Variants in PLD5 observed in about 807,000 individuals in gnomAD.
The protein encoded by PLD5 is phospholipase D family member 5, also known as inactive phospholipase D5.
Under a neutral mutation model 61.1 loss-of-function variants are expected in PLD5, and 36 were observed. The observed-to-expected ratio is 0.59, with a 90% CI of 0.45 to 0.78. The LOEUF (loss-of-function observed/expected upper bound fraction) is 0.78. Among genes scored for constraint, PLD5 ranks in the 30% least tolerant of loss-of-function variants. The probability of loss-of-function intolerance (pLI) is 0.00; values close to 1 mark genes in which losing one functional copy is unlikely to be tolerated. For synonymous variants in PLD5, 243 were observed against 242.8 expected (o/e 1.00, Z -0.01); for missense variants, 515 against 644.4 (o/e 0.80, Z 2.17).
chr1:242,099,394 C>T (rs1321706786), intron 9 of PLD5, among the ~76,000 whole-genome samples: 1 of 152,188 alleles, frequency 6.6e-6, no homozygotes, highest in African/African-American at 2.4e-5. Context: ...CCCAAAGTGG[C>T]TGGGATTACC....
intron 1 of PLD5, among the ~76,000 whole-genome samples, chr1:242,396,920 C>T (rs1025592240): frequency 1.3e-5 from 2 of 151,922 alleles, no homozygotes; most frequent in South Asian, 2.1e-4. Context: ...CCTTGTGATC[C>T]GCCCGCCTCA....
intron 3 of PLD5, among the ~76,000 whole-genome samples, chr1:242,286,348 T>C (rs1675023202): frequency 6.6e-6 from 1 of 152,076 alleles, no homozygotes; most frequent in South Asian, 2.1e-4. Flanking sequence ...TTATTTCAAG[T>C]GGAAAACACG....
At chr1:242,481,935 A>T (rs1216630335) in intron 1 of PLD5, among the ~76,000 whole-genome samples, 1 of 152,184 alleles carries the variant, frequency 6.6e-6, no homozygotes, top group Non-Finnish European at 1.5e-5. Flanking sequence ...CACTGCTGAT[A>T]CTCAGGAAAA....
At chr1:242,430,836 C>T (rs1444704771) in intron 1 of PLD5, among the ~76,000 whole-genome samples, 2 of 152,168 alleles carry the variant, frequency 1.3e-5, no homozygotes, top group African/African-American at 4.8e-5. Context: ...TCTATGCAAG[C>T]ATCAGGGCTA....
chr1:242,353,022 T>C (rs186172960), intron 1 of PLD5, among the ~76,000 whole-genome samples: 166 of 152,322 alleles, frequency 1.1e-3, no homozygotes, highest in African/African-American at 3.9e-3. Context: ...TTGTTTTAAA[T>C]AAGCTTTTTA....
chr1:242,337,339 T>C (rs538377291), intron 2 of PLD5, among the ~76,000 whole-genome samples: 23 of 66,894 alleles, frequency 3.4e-4, no homozygotes, highest in African/African-American at 9.6e-4. Context: ...GCTCAAAAAA[T>C]AGGCAAATCG....
intron 1 of PLD5, among the ~76,000 whole-genome samples, chr1:242,393,107 G>C (rs956251162): frequency 6.6e-6 from 1 of 151,158 alleles, no homozygotes; most frequent in East Asian, 2.0e-4. Context: ...AGGAGGCTGA[G>C]GCAGGAGAAT....
At chr1:242,482,912 T>C (rs1667831815) in intron 1 of PLD5, among the ~76,000 whole-genome samples, 2 of 152,174 alleles carry the variant, frequency 1.3e-5, no homozygotes, top group South Asian at 4.1e-4. Flanking sequence ...TTCAACATTC[T>C]TACAGAAAAT....
chr1:242,146,209 C>G (rs141121511), intron 5 of PLD5, among the ~76,000 whole-genome samples: 87 of 152,182 alleles, frequency 5.7e-4, no homozygotes, highest in Admixed American at 1.1e-3. Context: ...GTGTTGTTAC[C>G]CTTTGCTCAC....
chr1:242,316,231 A>C (rs1425276804), intron 2 of PLD5, among the ~76,000 whole-genome samples: 1 of 152,240 alleles, frequency 6.6e-6, no homozygotes, highest in Non-Finnish European at 1.5e-5. Flanking sequence ...TTAAGCACAA[A>C]GCACGCATAA....
rs532119726 is a variant in PLD5, at chr1:242,132,330, A to AGAGGAG, written c.736-7671_736-7666dup. Among the ~76,000 whole-genome samples the AGAGGAG allele has an allele frequency of 5.7e-4, 87 of 151,664 alleles. 4 individuals carry two copies. The South Asian group carries it at 0.018, about 31-fold the overall frequency. The stretch of plus-strand genomic sequence containing the variant: ...GGATGCTGTTGTCATCAGAATGGAG[A>AGAGGAG]GAGGAGAGACATTAGCACCGTTCTT... On this transcript the variant is annotated intron_variant, in intron 5 of 9. Coordinates refer to ENST00000536534, the MANE Select transcript of PLD5 (RefSeq NM_001372062.1).
chr1:242,254,362 A>AG (rs1164727955), intron 4 of PLD5, among the ~76,000 whole-genome samples: 4 of 151,346 alleles, frequency 2.6e-5, no homozygotes, highest in African/African-American at 4.8e-5. Flanking sequence ...AAAAAAAAAA[A>AG]AAAGAAAGAA....
intron 1 of PLD5, among the ~76,000 whole-genome samples, chr1:242,474,932 A>G (rs986889259): frequency 1.3e-5 from 2 of 152,156 alleles, no homozygotes; most frequent in African/African-American, 4.8e-5. Flanking sequence ...ATGCATTATA[A>G]ATATGTATTT....
upstream of PLD5, among the ~76,000 whole-genome samples, chr1:242,528,272 G>A (rs1408535830): frequency 6.6e-6 from 1 of 152,200 alleles, no homozygotes; most frequent in African/African-American, 2.4e-5. Context: ...TGACACATGA[G>A]AAATTTCTGT....
intron 9 of PLD5, among the ~76,000 whole-genome samples, chr1:242,091,840 T>C (rs1198812437): frequency 2.7e-5 from 4 of 150,584 alleles, no homozygotes; most frequent in Non-Finnish European, 5.9e-5. Flanking sequence ...TTCTTTTTTT[T>C]TTTTTTTGAG....
Position 242,452,590 on chromosome 1 carries a change from T to C in PLD5, c.189+71498A>G, listed in dbSNP as rs1572179528. Among the ~76,000 whole-genome samples the C allele has an allele frequency of 2.0e-5, 3 of 152,050 alleles. No homozygotes were observed. In the South Asian group the frequency reaches 6.2e-4, roughly 32 times the overall value. On this transcript the variant is annotated intron_variant, in intron 1 of 9. Transcript: ENST00000536534. ...TAGCACTTTAGGAAGCTGAGGCGGG[T>C]GGATCGCTTGAGCCCAGGAGTTCCA...
intron 1 of PLD5, among the ~76,000 whole-genome samples, chr1:242,437,418 T>C (rs1219239606): frequency 6.6e-6 from 1 of 152,126 alleles, no homozygotes. Context: ...GTTTACAGGC[T>C]GGGCATGGTG....
At chr1:242,366,602 T>C (rs936128833) in intron 1 of PLD5, among the ~76,000 whole-genome samples, 3 of 152,200 alleles carry the variant, frequency 2.0e-5, no homozygotes, top group African/African-American at 7.2e-5. Context: ...TACCATTTAC[T>C]ATTAATAAAT....
At chr1:242,510,878 T>A (rs1668886018) in intron 1 of PLD5, among the ~76,000 whole-genome samples, 1 of 152,230 alleles carries the variant, frequency 6.6e-6, no homozygotes, top group East Asian at 1.9e-4. Context: ...AGATGTTTCA[T>A]CTTTACAAAA....
Sources: allele counts gnomAD v4.1 joint callset (sites outside exome capture counted in the v4.1 genomes callset), GRCh38; gene constraint gnomAD v4.1.1; transcripts MANE v1.5; gene names NCBI Gene and HGNC (gene_info 2026-07-23, HGNC 2026-07-21).